Variants in ADAMTS18 observed in about 807,000 individuals in gnomAD.
ADAMTS18 encodes A disintegrin and metalloproteinase with thrombospondin motifs 18.
Under a neutral mutation model 165.9 loss-of-function variants are expected in ADAMTS18, and 157 were observed. The observed-to-expected ratio is 0.95, with a 90% CI of 0.83 to 1.08. The LOEUF is 1.08. Among genes scored for constraint, ADAMTS18 ranks in the 50% least tolerant of loss-of-function variants. ADAMTS18 has a pLI of 0.00. For synonymous variants in ADAMTS18, 782 were observed against 578.2 expected (o/e 1.35, Z -5.06); for missense variants, 2,040 against 1,534.0 (o/e 1.33, Z -5.51).
chr16:77,319,766 G>C, intron 16 of ADAMTS18, 83 bp downstream of exon 16: 1 of 1,602,438 alleles, frequency 6.2e-7, no homozygotes, highest in Non-Finnish European at 8.5e-7. Flanking sequence ...GAACTAGAAG[G>C]ACTGGAGTTC....
intron 3 of ADAMTS18, among the ~76,000 whole-genome samples, chr16:77,430,949 C>T (rs954097275): frequency 6.6e-6 from 1 of 152,264 alleles, no homozygotes; most frequent in South Asian, 2.1e-4. Context: ...GCCATGTAGA[C>T]GCATGAAGCT....
chr16:77,380,888 T>C (rs2057020509), intron 3 of ADAMTS18, among the ~76,000 whole-genome samples: 1 of 152,160 alleles, frequency 6.6e-6, no homozygotes, highest in Non-Finnish European at 1.5e-5. Context: ...TTATTTTATT[T>C]ATTGAGACAG....
intron 12 of ADAMTS18, among the ~76,000 whole-genome samples, chr16:77,330,845 A>C (rs2056176939): frequency 6.6e-6 from 1 of 152,254 alleles, no homozygotes; most frequent in Admixed American, 6.5e-5. Context: ...CTCGGATGAG[A>C]CAATGAAAAT....
intron 16 of ADAMTS18, among the ~76,000 whole-genome samples, chr16:77,308,808 A>G (rs1047647060): frequency 6.6e-6 from 1 of 152,320 alleles, no homozygotes; most frequent in South Asian, 2.1e-4. Flanking sequence ...AGCCTTGTGT[A>G]AAGTTTCACT....
At chr16:77,405,159 G>A (rs1337605507) in intron 3 of ADAMTS18, among the ~76,000 whole-genome samples, 1 of 152,202 alleles carries the variant, frequency 6.6e-6, no homozygotes, top group Non-Finnish European at 1.5e-5. Flanking sequence ...GGGACTGGGA[G>A]AGAAAATGTG....
rs78427631 is a variant in ADAMTS18, at chr16:77,384,632, G to A, written c.496-16909C>T. On this transcript the variant is annotated intron_variant, in intron 3 of 22. Coordinates refer to ENST00000282849, the MANE Select transcript of ADAMTS18 (RefSeq NM_199355.4). ...CCAATGTACGTTATAGAAAACCCTG[G>A]CTAACACCCAACTTATGGGGCATTT... Among the ~76,000 whole-genome samples, 970 of 152,234 alleles carry A rather than the reference G, an allele frequency of 6.4e-3. 13 individuals carry two copies. Among genetic ancestry groups the A allele is most frequent in the African/African-American group, 0.022 (894 of 41,540 alleles).
In ADAMTS18 at chr16:77,431,572, C is replaced by T. The variant is rs1316432351; in HGVS notation, c.218G>A (p.Gly73Glu). The T allele has an allele frequency of 6.2e-7, 1 of 1,614,102 alleles. No individual in the cohort carries two copies. Among genetic ancestry groups the T allele is most frequent in the South Asian group, 1.1e-5 (1 of 91,076 alleles). ...FVTPVEVDSAGSYISHDILHN... is the reference protein window; with the variant it reads ...FVTPVEVDSAESYISHDILHN... ...CAAAATGTCGTGTGAAATATATGAC[C>T]CGGCTGAGTCTACTTCTACTGGCGT... is the stretch of plus-strand genomic sequence containing the variant. The change falls in exon 3 of 23, where the codon GGG becomes GAG. Residue 73 changes from glycine (G) to glutamate (E), a missense_variant. Physicochemically the swap from Gly to Glu is moderately conservative, Grantham distance 98. Transcript: ENST00000282849.
intron 3 of ADAMTS18, among the ~76,000 whole-genome samples, chr16:77,375,240 C>T (rs2056932145): frequency 6.6e-6 from 1 of 151,940 alleles, no homozygotes; most frequent in Non-Finnish European, 1.5e-5. Flanking sequence ...CAGGCTGATC[C>T]CGAACTCCTG....
chr16:77,393,982 G>T (rs931771044), intron 3 of ADAMTS18, among the ~76,000 whole-genome samples: 1 of 152,298 alleles, frequency 6.6e-6, no homozygotes, highest in South Asian at 2.1e-4. Context: ...CCATACATGT[G>T]GTCTAATTGG....
intron 3 of ADAMTS18, among the ~76,000 whole-genome samples, chr16:77,412,697 T>C (rs2057480363): frequency 6.6e-6 from 1 of 152,052 alleles, no homozygotes; most frequent in Non-Finnish European, 1.5e-5. Context: ...TGAGAACCAA[T>C]GGAAAGGGAA....
At chr16:77,322,746 C>A (rs1454791421) in intron 13 of ADAMTS18, among the ~76,000 whole-genome samples, 1 of 152,156 alleles carries the variant, frequency 6.6e-6, no homozygotes, top group African/African-American at 2.4e-5. Flanking sequence ...ACTATCCAGC[C>A]TCCCTGGATA....
chr16:77,350,943 A>G (rs934200331), intron 10 of ADAMTS18, among the ~76,000 whole-genome samples: 3 of 152,116 alleles, frequency 2.0e-5, no homozygotes, highest in Non-Finnish European at 4.4e-5. Flanking sequence ...GAAAAAAAAA[A>G]GTAAAGTGAG....
At chr16:77,340,223 G>A (rs946663413) in intron 11 of ADAMTS18, among the ~76,000 whole-genome samples, 10 of 152,140 alleles carry the variant, frequency 6.6e-5, no homozygotes, top group Non-Finnish European at 1.5e-4. Flanking sequence ...CACCCAGGCT[G>A]GAATTCAGTG....
chr16:77,284,097 T>C (rs1457504921), intron 22 of ADAMTS18, 26 bp from the exon 23 acceptor site: 2 of 1,508,360 alleles, frequency 1.3e-6, no homozygotes, highest in Admixed American at 1.7e-5. Context: ...ATATTTAGCA[T>C]GTTGGCTAGG....
chr16:77,297,188 T>C (rs750231403), intron 18 of ADAMTS18, 101 bp downstream of exon 18: 99 of 1,512,586 alleles, frequency 6.5e-5, no homozygotes, highest in Non-Finnish European at 9.0e-5. Flanking sequence ...TTTGAATCAC[T>C]TTCCATTAGC....
intron 3 of ADAMTS18, among the ~76,000 whole-genome samples, chr16:77,401,130 C>CTA (rs2057326322): frequency 6.6e-6 from 1 of 152,004 alleles, no homozygotes. Flanking sequence ...TGGCGGGTGC[C>CTA]TATAATACCA....
At chr16:77,346,533 G>C (rs2056479456) in intron 10 of ADAMTS18, among the ~76,000 whole-genome samples, 2 of 152,116 alleles carry the variant, frequency 1.3e-5, no homozygotes, top group African/African-American at 4.8e-5. Context: ...TGGATAATGA[G>C]TTTTGCATAA....
chr16:77,412,617 G>T (rs1032528296), intron 3 of ADAMTS18, among the ~76,000 whole-genome samples: 2 of 152,130 alleles, frequency 1.3e-5, no homozygotes, highest in African/African-American at 4.8e-5. Context: ...AGTTCCACAT[G>T]GCTGAGAAGG....
chr16:77,337,879 G>C (rs1439349121), intron 11 of ADAMTS18, among the ~76,000 whole-genome samples: 1 of 150,628 alleles, frequency 6.6e-6, no homozygotes, highest in African/African-American at 2.4e-5. Flanking sequence ...ATATACACCT[G>C]TAATTTTATC....
Sources: allele counts gnomAD v4.1 joint callset (sites outside exome capture counted in the v4.1 genomes callset), GRCh38; gene constraint gnomAD v4.1.1; transcripts MANE v1.5; gene names NCBI Gene and HGNC (gene_info 2026-07-23, HGNC 2026-07-21).